Variants in DYNC2I1 observed in about 807,000 individuals in gnomAD.
DYNC2I1 encodes cytoplasmic dynein 2 intermediate chain 1.
In DYNC2I1, 89 loss-of-function variants were observed where a neutral mutation model predicts 133.4. The ratio of observed to expected loss-of-function variants is 0.67; its 90% CI spans 0.56 to 0.80. The LOEUF is 0.80. DYNC2I1 is among the 30% of genes least tolerant of loss of function. The pLI, the probability that DYNC2I1 is intolerant of heterozygous loss-of-function variation, is 0.00. For missense variants in DYNC2I1, 1,291 were observed against 1,314.5 expected (o/e 0.98, Z 0.28); for synonymous variants, 504 against 484.3 (o/e 1.04, Z -0.54).
At chr7:158,911,421 C>A in intron 11 of DYNC2I1, 129 bp from the exon 12 acceptor site, 1 of 993,546 alleles carries the variant, frequency 1.0e-6, no homozygotes, top group Non-Finnish European at 1.4e-6. Context: ...ATCTCAGACT[C>A]ACCCCAGCCT....
At chr7:158,933,825 G>T (rs1585223121) in intron 21 of DYNC2I1, among the ~76,000 whole-genome samples, 2 of 152,296 alleles carry the variant, frequency 1.3e-5, no homozygotes, top group Middle Eastern at 6.8e-3. Flanking sequence ...TGAGACAGTT[G>T]TACAATCTAA....
At chr7:158,893,810 A>G (rs1392792226) in intron 8 of DYNC2I1, among the ~76,000 whole-genome samples, 3 of 152,130 alleles carry the variant, frequency 2.0e-5, no homozygotes, top group East Asian at 1.9e-4. Context: ...GTCACACCGC[A>G]TATCATACCG....
At chr7:158,949,434 CAA>C (rs982537396), downstream of DYNC2I1, among the ~76,000 whole-genome samples, 7 of 152,224 alleles carry the variant, frequency 4.6e-5, no homozygotes, top group African/African-American at 1.7e-4. Context: ...AGGGAGTAGA[CAA>C]GAGGAAGGGT....
upstream of DYNC2I1, among the ~76,000 whole-genome samples, chr7:158,855,921 CA>C (rs566957553): frequency 4.2e-4 from 63 of 149,208 alleles, no homozygotes; most frequent in Middle Eastern, 3.5e-3. Flanking sequence ...AAGCCTTATT[CA>C]AATGTAAAGC....
At chr7:158,921,163 TAAAG>T (rs1246420305) in intron 15 of DYNC2I1, among the ~76,000 whole-genome samples, 1 of 151,762 alleles carries the variant, frequency 6.6e-6, no homozygotes. Context: ...AGGAGAAAAA[TAAAG>T]ACAGTTCTGA....
Position 158,902,488 on chromosome 7 carries a change from A to G in DYNC2I1, c.1250A>G (p.Gln417Arg), listed in dbSNP as rs1846349933. Residue 417 changes from glutamine to arginine, a missense_variant, in exon 10 of 25, where the codon CAA becomes CGA. Transcript: ENST00000407559. ...CCTCTAGCTCAAAAAAAGGAAATAC[A>G]AGAAATTCAAAGAGCTATTAATGCA... Reference protein sequence around the residue: ...ELPLAQKKEIQEIQRAINAEN... With the variant: ...ELPLAQKKEIREIQRAINAEN... 2 of 1,613,922 alleles carry G rather than the reference A, an allele frequency of 1.2e-6. No individual in the cohort carries two copies. The highest frequency in any genetic ancestry group is 1.7e-5 in the Admixed American group (1 of 60,006).
intron 5 of DYNC2I1, among the ~76,000 whole-genome samples, chr7:158,881,939 C>G (rs909998077): frequency 5.9e-5 from 9 of 152,190 alleles, no homozygotes; most frequent in Non-Finnish European, 1.0e-4. Context: ...TTCCCTAGAT[C>G]ATGTTTAATT....
At chr7:158,900,747 T>TTTC (rs1401319898) in intron 8 of DYNC2I1, among the ~76,000 whole-genome samples, 74 of 151,706 alleles carry the variant, frequency 4.9e-4, no homozygotes, top group African/African-American at 1.8e-3. Context: ...TTTTTTTTTT[T>TTTC]TTCCTTCCCG....
At chr7:158,957,694 G>T (rs1054864520), downstream of DYNC2I1, among the ~76,000 whole-genome samples, 23 of 152,148 alleles carry the variant, frequency 1.5e-4, 1 homozygote, top group Admixed American at 1.2e-3. Flanking sequence ...TGCAGACGCC[G>T]AGGCCTGGAG....
At position 158,913,021 on chromosome 7, in the gene DYNC2I1, G is replaced by A. The variant is rs768407396; in HGVS notation, c.1627G>A (p.Asp543Asn). The A allele has an allele frequency of 6.2e-7, 1 of 1,613,398 alleles. No homozygotes were observed. The highest frequency in any genetic ancestry group is 2.2e-5 in the East Asian group (1 of 44,850). ...GTGTAACGAAGATAATGTTGAAAGA[G>A]ACATTCAAACGGAGGAAATAGAGAC... ...VQCNEDNVERDIQTEEIETRE... is the reference protein window; with the variant it reads ...VQCNEDNVERNIQTEEIETRE... The change falls in exon 13 of 25, where the codon GAC (aspartate) becomes AAC (asparagine). Residue 543 changes from aspartate (D) to asparagine (N), a missense_variant. Transcript: ENST00000407559.
intron 6 of DYNC2I1, 145 bp from the exon 7 acceptor site, chr7:158,886,876 C>T (rs529817902): frequency 5.4e-6 from 4 of 741,200 alleles, no homozygotes; most frequent in East Asian, 5.5e-5. Flanking sequence ...GCTGGGATTA[C>T]AGGTGCAAGT....
chr7:158,882,433 T>A (rs982675575), intron 5 of DYNC2I1, among the ~76,000 whole-genome samples: 1 of 151,122 alleles, frequency 6.6e-6, no homozygotes. Context: ...AAAAAAAAAA[T>A]TTAGCCAGGC....
At chr7:158,898,517 T>G (rs1260392919) in intron 8 of DYNC2I1, among the ~76,000 whole-genome samples, 1 of 152,160 alleles carries the variant, frequency 6.6e-6, no homozygotes, top group African/African-American at 2.4e-5. Context: ...CTCTTTACTT[T>G]GAAGTGTGCT....
intron 21 of DYNC2I1, among the ~76,000 whole-genome samples, chr7:158,932,931 C>T (rs142262700): frequency 1.5e-4 from 23 of 152,228 alleles, no homozygotes; most frequent in African/African-American, 3.6e-4. Context: ...ACTTGCCAGG[C>T]GAGGATAGGA....
downstream of DYNC2I1, among the ~76,000 whole-genome samples, chr7:158,957,913 T>C (rs949210802): frequency 6.6e-6 from 1 of 152,200 alleles, no homozygotes; most frequent in Non-Finnish European, 1.5e-5. Context: ...CAGCCCTTCC[T>C]GACGTGTCAG....
upstream of DYNC2I1, among the ~76,000 whole-genome samples, chr7:158,852,350 G>A (rs1841078074): frequency 6.6e-6 from 1 of 151,812 alleles, no homozygotes; most frequent in African/African-American, 2.4e-5. Flanking sequence ...TTGAATTCCT[G>A]ACCCTGTGAT....
chr7:158,895,169 A>C (rs967861158), intron 8 of DYNC2I1, among the ~76,000 whole-genome samples: 1 of 151,952 alleles, frequency 6.6e-6, no homozygotes, highest in Non-Finnish European at 1.5e-5. Context: ...CAGCTTATCA[A>C]TTTTTTCTTT....
At chr7:158,855,288 A>C (rs1425997054), upstream of DYNC2I1, among the ~76,000 whole-genome samples, 3 of 152,078 alleles carry the variant, frequency 2.0e-5, no homozygotes, top group Non-Finnish European at 4.4e-5. Flanking sequence ...AATCATAGGG[A>C]GTCAAAGCGG....
At position 158,899,304 on chromosome 7, in the gene DYNC2I1, G is replaced by A. The variant is rs184389863; in HGVS notation, c.1060-2435G>A. Among the ~76,000 whole-genome samples the A allele has an allele frequency of 2.0e-5, 3 of 152,234 alleles. No individual in the cohort carries two copies. The East Asian group carries it at 5.8e-4, about 29-fold the overall frequency. On this transcript the variant is annotated intron_variant, in intron 8 of 24. Coordinates refer to ENST00000407559, the MANE Select transcript of DYNC2I1 (RefSeq NM_018051.5). ...CCATGGATGTGGAACCCACAGATAA[G>A]GAGGGCTAACTATGCATATGTGTAC...
Sources: allele counts gnomAD v4.1 joint callset (sites outside exome capture counted in the v4.1 genomes callset), GRCh38; gene constraint gnomAD v4.1.1; transcripts MANE v1.5; gene names NCBI Gene and HGNC (gene_info 2026-07-23, HGNC 2026-07-21).